Variants in AJAP1 observed in about 807,000 individuals in gnomAD.
AJAP1 encodes the protein adherens junctions associated protein 1.
In AJAP1, 5 loss-of-function variants were observed where a neutral mutation model predicts 35.0. The observed-to-expected ratio is 0.14, with a 90% confidence interval of 0.07 to 0.30. The LOEUF is 0.30. AJAP1 is among the 10% of genes least tolerant of loss of function. The probability of loss-of-function intolerance (pLI) is 1.00; values close to 1 mark genes in which losing one functional copy is unlikely to be tolerated. For missense variants in AJAP1, 586 were observed against 571.0 expected (o/e 1.03, Z -0.27); for synonymous variants, 284 against 249.3 (o/e 1.14, Z -1.31).
intron 1 of AJAP1, among the ~76,000 whole-genome samples, chr1:4,673,243 G>A (rs1315711881): frequency 6.6e-6 from 1 of 152,156 alleles, no homozygotes; most frequent in African/African-American, 2.4e-5. Flanking sequence ...ACACTCCTGT[G>A]TTTGGGGTAG....
chr1:4,686,478 C>A (rs1265393108), intron 1 of AJAP1, among the ~76,000 whole-genome samples: 1 of 152,166 alleles, frequency 6.6e-6, no homozygotes, highest in African/African-American at 2.4e-5. Flanking sequence ...ATAACCCCAT[C>A]TCCAAAAGGA....
At chr1:4,728,872 A>G (rs1013401200) in intron 2 of AJAP1, among the ~76,000 whole-genome samples, 6 of 151,838 alleles carry the variant, frequency 4.0e-5, no homozygotes, top group African/African-American at 1.5e-4. Context: ...ATTGCTCCCT[A>G]TTGAAACCAG....
intron 2 of AJAP1, among the ~76,000 whole-genome samples, chr1:4,716,629 ATGG>A (rs1413145507): frequency 1.3e-5 from 2 of 151,672 alleles, no homozygotes; most frequent in East Asian, 1.9e-4. Flanking sequence ...AATGGTGGAA[ATGG>A]TGATGATGAT....
At chr1:4,657,786 G>A (rs1441634658) in intron 1 of AJAP1, among the ~76,000 whole-genome samples, 2 of 152,056 alleles carry the variant, frequency 1.3e-5, no homozygotes, top group Non-Finnish European at 2.9e-5. Flanking sequence ...GGTTATTTAC[G>A]TCTGTGTTGG....
At chr1:4,701,337 C>T (rs536201689) in intron 1 of AJAP1, among the ~76,000 whole-genome samples, 24 of 152,334 alleles carry the variant, frequency 1.6e-4, no homozygotes, top group Non-Finnish European at 2.4e-4. Flanking sequence ...GTTGGTTACA[C>T]GGGTTAGTTT....
chr1:4,713,894 G>A (rs1640327895), intron 2 of AJAP1, among the ~76,000 whole-genome samples: 2 of 152,206 alleles, frequency 1.3e-5, no homozygotes, highest in South Asian at 4.1e-4. Flanking sequence ...TCAAGGGGAG[G>A]GAAGAGAACT....
intron 2 of AJAP1, among the ~76,000 whole-genome samples, chr1:4,766,549 C>T (rs1459273032): frequency 2.0e-5 from 3 of 152,148 alleles, no homozygotes; most frequent in African/African-American, 7.2e-5. Flanking sequence ...TCAGAAGTCC[C>T]AGTCCTTGTC....
intron 5 of AJAP1, among the ~76,000 whole-genome samples, chr1:4,780,636 T>TC (rs1251684978): frequency 5.4e-5 from 8 of 148,428 alleles, no homozygotes; most frequent in African/African-American, 1.5e-4. Flanking sequence ...TTTCTTTCTT[T>TC]TTTTTTTTTT....
intron 1 of AJAP1, among the ~76,000 whole-genome samples, chr1:4,681,039 C>T (rs1446259272): frequency 6.6e-6 from 1 of 152,188 alleles, no homozygotes; most frequent in Admixed American, 6.5e-5. Context: ...TGTTCTCTAG[C>T]ACCCGTTATT....
intron 1 of AJAP1, among the ~76,000 whole-genome samples, chr1:4,687,302 C>T (rs770394168): frequency 1.3e-5 from 2 of 152,176 alleles, no homozygotes; most frequent in Non-Finnish European, 2.9e-5. Flanking sequence ...GATGGGTTTC[C>T]ACAATCTCCC....
chr1:4,665,310 G>A (rs1639092605), intron 1 of AJAP1, among the ~76,000 whole-genome samples: 1 of 152,096 alleles, frequency 6.6e-6, no homozygotes, highest in Non-Finnish European at 1.5e-5. Flanking sequence ...TAGGCGCCTG[G>A]GTCTCCTGGA....
chr1:4,756,298 T>A (rs1254265652), intron 2 of AJAP1, among the ~76,000 whole-genome samples: 1 of 151,360 alleles, frequency 6.6e-6, no homozygotes, highest in Non-Finnish European at 1.5e-5. Flanking sequence ...GCTGCAGGAG[T>A]GAAATGACTA....
chr1:4,716,095 G>A (rs542797248), intron 2 of AJAP1, among the ~76,000 whole-genome samples: 1 of 152,372 alleles, frequency 6.6e-6, no homozygotes, highest in Admixed American at 6.5e-5. Context: ...TCTGTCTATA[G>A]CACAGGTTGT....
rs373361181 is a variant in AJAP1 at position 4,790,011 on chromosome 1, C to G, written c.*7526C>G. ...ATTCTTGTTCACTCTTCAGTCATCC[C>G]AAGCCAAAAGGGAAAATTCGAAACC... On this transcript the variant is annotated 3_prime_UTR_variant, in exon 6 of 6. Transcript: ENST00000378191. 6.6e-6 allele frequency: 1 copy of G among 152,222 alleles called. No individual in the cohort carries two copies. The highest frequency in any genetic ancestry group is 1.5e-5 in the Non-Finnish European group (1 of 68,108). The allele number at this position is 152,222 out of a possible 1,614,324, so 9.4% of individuals were successfully genotyped here.
chr1:4,734,040 C>T lies in AJAP1; in HGVS notation c.829+21341C>T, dbSNP rs1469616136. ...AGCTCCAATTAGCGGCTTTTGTAAG[C>T]GATCACGTACCGAGTATTGACTTGG... On this transcript the variant is annotated intron_variant, in intron 2 of 5. Transcript: ENST00000378191. This position sits in a 1 kb window ranked among gnomAD's most constrained non-coding sequence, Gnocchi z 4.3. Among the ~76,000 whole-genome samples the T allele has an allele frequency of 1.3e-5, 2 of 152,286 alleles. No individual in the cohort carries two copies. Among genetic ancestry groups the T allele is most frequent in the East Asian group, 1.9e-4 (1 of 5,172 alleles).
intron 4 of AJAP1, among the ~76,000 whole-genome samples, chr1:4,772,767 C>T (rs968426284): frequency 2.0e-5 from 3 of 152,300 alleles, no homozygotes; most frequent in South Asian, 2.1e-4. Flanking sequence ...GACCCCTGGA[C>T]GTGGGCAGTG....
intron 2 of AJAP1, among the ~76,000 whole-genome samples, chr1:4,730,124 G>A (rs911688636): frequency 2.6e-5 from 4 of 152,272 alleles, no homozygotes; most frequent in South Asian, 2.1e-4. Flanking sequence ...CGGATATGTC[G>A]GTATTGCCTG....
chr1:4,669,540 G>A (rs781234670), intron 1 of AJAP1, among the ~76,000 whole-genome samples: 2 of 152,142 alleles, frequency 1.3e-5, no homozygotes, highest in Admixed American at 1.3e-4. Flanking sequence ...TCACTATCAC[G>A]AGAACAGCAT....
intron 5 of AJAP1, among the ~76,000 whole-genome samples, chr1:4,776,701 T>G (rs1304995304): frequency 6.6e-6 from 1 of 152,222 alleles, no homozygotes; most frequent in Non-Finnish European, 1.5e-5. Context: ...AGCCCTGTGC[T>G]GCAGCCCCAG....
Sources: gnomAD v4.1 joint callset for allele counts (sites outside exome capture counted in the v4.1 genomes callset) on GRCh38, gnomAD v4.1.1 for gene constraint, Gnocchi (gnomAD v3.1) non-coding constraint, MANE v1.5 for transcripts, NCBI Gene and HGNC (gene_info 2026-07-23, HGNC 2026-07-21) for gene names.